The following GABRG3 variants were observed in gnomAD, a reference collection of about 807,000 sequenced individuals.
GABRG3 encodes the protein gamma-aminobutyric acid receptor subunit gamma-3.
GABRG3 carries 25 observed loss-of-function variants against 48.8 expected under a neutral mutation model. The ratio of observed to expected loss-of-function variants is 0.51; its 90% CI spans 0.37 to 0.72. The LOEUF is 0.72. GABRG3 is among the 30% of genes least tolerant of loss of function. GABRG3 has a pLI of 0.00. For synonymous variants in GABRG3, 227 were observed against 217.6 expected (o/e 1.04, Z -0.38); for missense variants, 394 against 577.9 (o/e 0.68, Z 3.26).
chr15:27,084,459 C>T (rs374067652), intron 3 of GABRG3, among the ~76,000 whole-genome samples: 1 of 152,314 alleles, frequency 6.6e-6, no homozygotes, highest in East Asian at 1.9e-4. Context: ...GAGATTGCCT[C>T]AGTCTTTAAC....
intron 5 of GABRG3, among the ~76,000 whole-genome samples, chr15:27,407,297 G>A (rs188044232): frequency 1.4e-4 from 22 of 152,280 alleles, no homozygotes; most frequent in Non-Finnish European, 7.4e-5. Context: ...GGCAAAATCC[G>A]GAACACTGAC....
chr15:27,475,964 G>A (rs549584626), intron 5 of GABRG3, among the ~76,000 whole-genome samples: 20 of 152,234 alleles, frequency 1.3e-4, no homozygotes, highest in African/African-American at 3.6e-4. Flanking sequence ...CGAGGAATTC[G>A]AGGAAATATT....
chr15:26,978,016 C>T (rs1894984534), intron 2 of GABRG3, among the ~76,000 whole-genome samples: 1 of 152,146 alleles, frequency 6.6e-6, no homozygotes, highest in Admixed American at 6.6e-5. Flanking sequence ...TTTAGCTGCT[C>T]TAATAGGTAT....
chr15:27,130,765 CT>C (rs544433011), intron 3 of GABRG3, among the ~76,000 whole-genome samples: 1 of 152,016 alleles, frequency 6.6e-6, no homozygotes, highest in East Asian at 1.9e-4. Flanking sequence ...GTGTCTTATT[CT>C]TTTTGGTACT....
intron 3 of GABRG3, among the ~76,000 whole-genome samples, chr15:27,162,559 G>A (rs1887230993): frequency 6.6e-6 from 1 of 152,110 alleles, no homozygotes; most frequent in South Asian, 2.1e-4. Context: ...GTACCTGGCA[G>A]TAATGGATAT....
intron 7 of GABRG3, among the ~76,000 whole-genome samples, chr15:27,523,419 T>C (rs1891203070): frequency 6.6e-6 from 1 of 151,812 alleles, no homozygotes; most frequent in African/African-American, 2.4e-5. Flanking sequence ...AAATATGTTG[T>C]AAATATGACT....
chr15:27,520,267 T>G lies in GABRG3; in HGVS notation c.865+143T>G, dbSNP rs12905441. 1.2e-3 allele frequency: 1,012 copies of G among 878,564 alleles called. 5 individuals carry two copies. The highest frequency in any genetic ancestry group is 1.6e-3 in the Middle Eastern group (5 of 3,202). 54.4% of individuals were successfully genotyped at this position (878,564 alleles called of 1,614,324 possible). A position where few individuals can be genotyped will look rare whatever the true frequency, so the allele number is the denominator to read the frequency against. On this transcript the variant is annotated intron_variant, in intron 7 of 9. Coordinates refer to ENST00000615808, the MANE Select transcript of GABRG3 (RefSeq NM_033223.5). ...TTGAACCATGCTTAGAATTTTCTCT[T>G]AAGAAGCCAAGCAAGGCTGTTCTTT...
chr15:27,537,690 A>G lies in GABRG3; in HGVS notation c.*4809A>G, dbSNP rs990075747. The stretch of plus-strand genomic sequence containing the variant: ...AATGTCTAATAGTTTTGAAGACTAG[A>G]TATTAGGGCATTTTCTTTCCTCCTT... On this transcript the variant is annotated 3_prime_UTR_variant, in exon 10 of 10. Transcript: ENST00000615808. The G allele has an allele frequency of 6.6e-6, 1 of 152,098 alleles. No individual in the cohort carries two copies. The highest frequency in any genetic ancestry group is 2.4e-5 in the African/African-American group (1 of 41,420). The allele number at this position is 152,098 out of a possible 1,614,324, so 9.4% of individuals were successfully genotyped here. A position where few individuals can be genotyped will look rare whatever the true frequency, so the allele number is the denominator to read the frequency against.
intron 7 of GABRG3, among the ~76,000 whole-genome samples, chr15:27,525,500 T>C (rs971276941): frequency 7.2e-5 from 11 of 152,174 alleles, no homozygotes; most frequent in African/African-American, 2.7e-4. Flanking sequence ...TAAGGTTTAT[T>C]TTTCTTCAGC....
At chr15:27,393,154 G>T (rs569663179) in intron 5 of GABRG3, among the ~76,000 whole-genome samples, 83 of 151,938 alleles carry the variant, frequency 5.5e-4, no homozygotes, top group Non-Finnish European at 1.1e-3. Flanking sequence ...GACCATCCTG[G>T]CAACACGGTG....
intron 3 of GABRG3, among the ~76,000 whole-genome samples, chr15:27,062,959 G>A (rs900890919): frequency 6.6e-6 from 1 of 152,200 alleles, no homozygotes. Context: ...AATATCTGCT[G>A]ATCCTTTCAA....
Position 27,180,052 on chromosome 15 carries a change from G to A in GABRG3, c.271-146757G>A, listed in dbSNP as rs962904165. ...ATGGCCTTCTGCAGAGCCACTGCCT[G>A]ATCGAACATCTCTGTGAGTCTTGGC... On this transcript the variant is annotated intron_variant, in intron 3 of 9. Transcript: ENST00000615808. This position sits in a 1 kb window ranked among gnomAD's most constrained non-coding sequence, Gnocchi z 4.2. Among the ~76,000 whole-genome samples, 1 of 152,178 alleles carries A rather than the reference G, an allele frequency of 6.6e-6. No homozygotes were observed. The highest frequency in any genetic ancestry group is 1.5e-5 in the Non-Finnish European group (1 of 68,038).
chr15:27,084,551 G>T (rs1388906092), intron 3 of GABRG3, among the ~76,000 whole-genome samples: 2 of 152,198 alleles, frequency 1.3e-5, no homozygotes, highest in African/African-American at 4.8e-5. Flanking sequence ...GTGAACCTGG[G>T]CACTTCAGGC....
chr15:27,201,097 G>C (rs208134), intron 3 of GABRG3, among the ~76,000 whole-genome samples: 27,979 of 151,974 alleles, frequency 0.18, 2,650 homozygotes, highest in East Asian at 0.33. Context: ...GCCCTTGTCT[G>C]CTTGGATAAT....
rs562929249 is a variant in GABRG3, at chr15:27,535,234, G to A, written c.*2353G>A. 2.0e-5 allele frequency: 3 copies of A among 152,182 alleles called. No individual in the cohort carries two copies. The highest frequency in any genetic ancestry group is 4.4e-5 in the Non-Finnish European group (3 of 68,040). 9.4% of individuals were successfully genotyped at this position (152,182 alleles called of 1,614,324 possible). On this transcript the variant is annotated 3_prime_UTR_variant, in exon 10 of 10. Coordinates refer to ENST00000615808, the MANE Select transcript of GABRG3 (RefSeq NM_033223.5). ...AACTGCAACCTGCTACATTGTAAAC[G>A]AAGTTCTGGAGAGAACTGAATTTTC...
At chr15:27,083,345 A>ATTT (rs10657484) in intron 3 of GABRG3, among the ~76,000 whole-genome samples, 1,739 of 140,772 alleles carry the variant, frequency 0.012, 42 homozygotes, top group African/African-American at 0.039. Context: ...AGAGCTATTG[A>ATTT]TTTTTTTTTT....
intron 3 of GABRG3, among the ~76,000 whole-genome samples, chr15:27,317,667 G>A (rs1893277878): frequency 6.6e-6 from 1 of 152,118 alleles, no homozygotes; most frequent in South Asian, 2.1e-4. Flanking sequence ...ATTTAACTTG[G>A]GATGGTCACC....
At position 27,445,525 on chromosome 15, in the gene GABRG3, T is replaced by G. The variant is rs572817920; in HGVS notation, c.575-35125T>G. On this transcript the variant is annotated intron_variant, in intron 5 of 9. Transcript: ENST00000615808. Reference sequence around the variant, plus strand: ...TCCCATCTGCTGACCATTTTAAAATTGTACTATTTGTCTTTTATTACTAAG... The same window carrying G: ...TCCCATCTGCTGACCATTTTAAAATGGTACTATTTGTCTTTTATTACTAAG... Among the ~76,000 whole-genome samples the G allele has an allele frequency of 2.6e-5, 4 of 152,334 alleles. No homozygotes were observed. In the South Asian group the frequency reaches 6.2e-4, roughly 24 times the overall value.
At chr15:27,104,314 C>T (rs1008485478) in intron 3 of GABRG3, among the ~76,000 whole-genome samples, 4 of 152,226 alleles carry the variant, frequency 2.6e-5, no homozygotes, top group African/African-American at 7.2e-5. Context: ...GAAGTTAAAT[C>T]GACCAAGTGC....
Sources: gnomAD v4.1 joint callset for allele counts (sites outside exome capture counted in the v4.1 genomes callset) on GRCh38, gnomAD v4.1.1 for gene constraint, Gnocchi (gnomAD v3.1) non-coding constraint, MANE v1.5 for transcripts, NCBI Gene and HGNC (gene_info 2026-07-23, HGNC 2026-07-21) for gene names.